NECAB2: variants seen among roughly 807,000 people sequenced by gnomAD.
NECAB2 encodes N-terminal EF-hand calcium-binding protein 2.
Under a neutral mutation model 51.9 loss-of-function variants are expected in NECAB2, and 68 were observed. The observed-to-expected ratio is 1.31, with a 90% CI of 1.08 to 1.60. The LOEUF (loss-of-function observed/expected upper bound fraction) is 1.60, where lower values mean the gene tolerates loss of function less well. Ranked by LOEUF, NECAB2 falls within the 40% of genes most tolerant of loss-of-function variation. The pLI, the probability that NECAB2 is intolerant of heterozygous loss-of-function variation, is 0.00. For synonymous variants in NECAB2, 329 were observed against 203.5 expected (o/e 1.62, Z -5.25); for missense variants, 854 against 490.3 (o/e 1.74, Z -7.00).
At chr16:83,971,159 C>T (rs1012899068) in intron 1 of NECAB2, among the ~76,000 whole-genome samples, 2 of 151,982 alleles carry the variant, frequency 1.3e-5, no homozygotes, top group African/African-American at 4.8e-5. Context: ...AAAGGTCTGA[C>T]TCCACTACAG....
chr16:83,990,986 A>AT (rs1352422454), intron 6 of NECAB2, among the ~76,000 whole-genome samples: 6 of 151,978 alleles, frequency 3.9e-5, no homozygotes, highest in East Asian at 1.9e-4. Context: ...TTATTTATTT[A>AT]TTTATTTTTT....
chr16:83,983,044 G>A (rs917065917), intron 5 of NECAB2, among the ~76,000 whole-genome samples: 1 of 151,644 alleles, frequency 6.6e-6, no homozygotes, highest in Non-Finnish European at 1.5e-5. Flanking sequence ...AATTTTTGTA[G>A]TTTTAGTAGA....
intron 5 of NECAB2, among the ~76,000 whole-genome samples, chr16:83,987,663 T>C (rs1272920835): frequency 1.3e-5 from 2 of 152,228 alleles, no homozygotes; most frequent in Non-Finnish European, 2.9e-5. Flanking sequence ...TTTAAAATAT[T>C]TTAGTGTACT....
chr16:83,965,954 G>A (rs145764374), upstream of NECAB2: 35 of 1,609,666 alleles, frequency 2.2e-5, no homozygotes, highest in East Asian at 4.5e-5. Flanking sequence ...GCAGGGGGGC[G>A]CCTTGGCTGT....
At chr16:83,994,174 C>T (rs991847430) in intron 6 of NECAB2, 128 bp from the exon 7 acceptor site, 1 of 827,270 alleles carries the variant, frequency 1.2e-6, no homozygotes. Context: ...AAACAAAGGC[C>T]ATGATGCAAG....
chr16:83,990,459 C>G (rs770932573), intron 5 of NECAB2, 35 bp from the exon 6 acceptor site: 2 of 1,610,444 alleles, frequency 1.2e-6, no homozygotes, highest in Non-Finnish European at 1.7e-6. Context: ...CCTCCCACCC[C>G]TTTCCCCTCA....
intron 2 of NECAB2, among the ~76,000 whole-genome samples, chr16:83,974,670 C>T (rs947519569): frequency 1.3e-5 from 2 of 152,194 alleles, no homozygotes; most frequent in Admixed American, 6.5e-5. Flanking sequence ...ATATTCTTCA[C>T]ATGGTCGGGG....
intron 2 of NECAB2, among the ~76,000 whole-genome samples, chr16:83,973,988 A>G (rs2151085399): frequency 6.6e-6 from 1 of 152,084 alleles, no homozygotes; most frequent in East Asian, 1.9e-4. Context: ...TCGGGCACAG[A>G]TGGGGTTCTG....
At chr16:83,991,452 C>A (rs1246845289) in intron 6 of NECAB2, among the ~76,000 whole-genome samples, 1 of 150,182 alleles carries the variant, frequency 6.7e-6, no homozygotes, top group Non-Finnish European at 1.5e-5. Flanking sequence ...CTGCAACGTC[C>A]GCCTCCCAGG....
Position 84,002,349 on chromosome 16 carries a change from G to C in NECAB2, c.*3G>C. The C allele has an allele frequency of 6.2e-7, 1 of 1,613,932 alleles. No individual in the cohort carries two copies. Among genetic ancestry groups the C allele is most frequent in the South Asian group, 1.1e-5 (1 of 91,070 alleles). ...GGTGCACGGTGGGACGGGACTGACAGCCTCCCAGAGGCCCGTGGAGGAGCC... is the reference window on the plus strand; with the variant it reads ...GGTGCACGGTGGGACGGGACTGACACCCTCCCAGAGGCCCGTGGAGGAGCC... On this transcript the variant is annotated 3_prime_UTR_variant, in exon 13 of 13. Transcript: ENST00000305202.
At chr16:84,002,226 A>T in intron 12 of NECAB2, 92 bp from the exon 13 acceptor site, 1 of 1,477,220 alleles carries the variant, frequency 6.8e-7, no homozygotes, top group South Asian at 1.1e-5. Flanking sequence ...ACTCAAAGCC[A>T]TCCCCCGACC....
intron 5 of NECAB2, among the ~76,000 whole-genome samples, chr16:83,983,893 T>A (rs1458303982): frequency 6.6e-6 from 1 of 152,130 alleles, no homozygotes; most frequent in Non-Finnish European, 1.5e-5. Context: ...GGTCTCAGTG[T>A]TAAACAGGGG....
intron 2 of NECAB2, among the ~76,000 whole-genome samples, chr16:83,973,457 A>C (rs2084370526): frequency 6.6e-6 from 1 of 152,188 alleles, no homozygotes; most frequent in Non-Finnish European, 1.5e-5. Flanking sequence ...GACCACTCCC[A>C]GGCCTCTGGG....
rs574542416 is a variant in NECAB2, at chr16:84,000,034, G to A, written c.963-690G>A. Among the ~76,000 whole-genome samples the A allele has an allele frequency of 4.0e-5, 6 of 150,716 alleles. No individual in the cohort carries two copies. In the South Asian group the frequency reaches 8.3e-4, roughly 21 times the overall value. ...CCTGCATCGCTGGGATTACAGGGAT[G>A]TGCCACCAGGCCCAGCAAGTTTTAT... is the stretch of plus-strand genomic sequence containing the variant. On this transcript the variant is annotated intron_variant, in intron 10 of 12. Coordinates refer to ENST00000305202, the MANE Select transcript of NECAB2 (RefSeq NM_019065.3).
upstream of NECAB2, chr16:83,965,538 C>G: frequency 6.2e-7 from 1 of 1,612,766 alleles, no homozygotes; most frequent in Non-Finnish European, 8.5e-7. Flanking sequence ...GTGGACGACC[C>G]TGGCCTGGTG....
chr16:83,978,421 T>C (rs748962659), intron 2 of NECAB2, 23 bp from the exon 3 acceptor site: 12 of 1,603,534 alleles, frequency 7.5e-6, no homozygotes, highest in Non-Finnish European at 1.0e-5. Context: ...CACCAGCTCC[T>C]TTCTCTGCTT....
Position 83,984,082 on chromosome 16 carries a change from G to A in NECAB2, c.459+2955G>A, listed in dbSNP as rs1032557695. On this transcript the variant is annotated intron_variant, in intron 5 of 12. Transcript: ENST00000305202. The stretch of plus-strand genomic sequence containing the variant: ...ACAGTCCCAGCTCACTGCCAGCTCC[G>A]CCTCCCGGGTTCACGCCATTCTCCT... 7.0e-5 allele frequency among the ~76,000 whole-genome samples: 10 copies of A among 143,110 alleles called. No individual in the cohort carries two copies. The East Asian group carries it at 7.1e-4, about 10-fold the overall frequency. The allele number at this position is 143,110 out of a possible 152,430, so 93.9% of individuals were successfully genotyped here. A position where few individuals can be genotyped will look rare whatever the true frequency, so the allele number is the denominator to read the frequency against.
chr16:83,977,580 C>G (rs1285131436), intron 2 of NECAB2, among the ~76,000 whole-genome samples: 3 of 152,138 alleles, frequency 2.0e-5, no homozygotes, highest in Middle Eastern at 3.4e-3. Context: ...TCCACAGAGC[C>G]CCTCCACAGA....
chr16:83,982,983 C>G (rs1288045923), intron 5 of NECAB2, among the ~76,000 whole-genome samples: 11 of 151,938 alleles, frequency 7.2e-5, no homozygotes, highest in Non-Finnish European at 5.9e-5. Flanking sequence ...ATTCTCCTGC[C>G]TCAGCCTCCC....
Sources: gnomAD v4.1 joint callset for allele counts (sites outside exome capture counted in the v4.1 genomes callset) on GRCh38, gnomAD v4.1.1 for gene constraint, MANE v1.5 for transcripts, NCBI Gene and HGNC (gene_info 2026-07-23, HGNC 2026-07-21) for gene names.